Variants in NRXN3 observed in about 807,000 individuals in gnomAD.
The protein encoded by NRXN3 is neurexin III.
Under a neutral mutation model 137.6 loss-of-function variants are expected in NRXN3, and 32 were observed. That is an observed-to-expected ratio of 0.23 (90% CI 0.18 to 0.31). The LOEUF is 0.31. NRXN3 is among the 10% of genes least tolerant of loss of function. The pLI is 1.00. For missense variants in NRXN3, 1,574 were observed against 2,062.5 expected (o/e 0.76, Z 4.59); for synonymous variants, 798 against 784.5 (o/e 1.02, Z -0.29).
At chr14:78,233,953 T>C (rs949347937) in intron 1 of NRXN3, among the ~76,000 whole-genome samples, 5 of 152,178 alleles carry the variant, frequency 3.3e-5, no homozygotes, top group Admixed American at 3.3e-4. Context: ...GCTCCCATAA[T>C]TCCCACATGT....
At chr14:78,369,407 C>G (rs989396535) in intron 4 of NRXN3, among the ~76,000 whole-genome samples, 2 of 152,128 alleles carry the variant, frequency 1.3e-5, no homozygotes, top group East Asian at 3.8e-4. Context: ...TTCCCAAGTG[C>G]CTCGTGTCCA....
chr14:79,240,466 TC>T (rs2074098436), intron 15 of NRXN3, among the ~76,000 whole-genome samples: 1 of 152,240 alleles, frequency 6.6e-6, no homozygotes, highest in East Asian at 1.9e-4. Flanking sequence ...GTTATTCATC[TC>T]CCAGGTACTC....
At chr14:79,273,610 G>T (rs1287640910) in intron 15 of NRXN3, among the ~76,000 whole-genome samples, 1 of 152,026 alleles carries the variant, frequency 6.6e-6, no homozygotes, top group East Asian at 1.9e-4. Context: ...CTCCAGCCTG[G>T]GTGACAGAGT....
intron 1 of NRXN3, among the ~76,000 whole-genome samples, chr14:78,191,223 A>G (rs1440766554): frequency 6.6e-6 from 1 of 152,130 alleles, no homozygotes; most frequent in Non-Finnish European, 1.5e-5. Context: ...ACTAACTTAC[A>G]TGTTTCAGAA....
intron 15 of NRXN3, among the ~76,000 whole-genome samples, chr14:79,103,365 A>T (rs1169427230): frequency 1.3e-5 from 2 of 152,174 alleles, no homozygotes; most frequent in Non-Finnish European, 2.9e-5. Flanking sequence ...TAGTGCAATG[A>T]CTGTAAGGTT....
At chr14:79,574,379 C>T (rs2097645771) in intron 16 of NRXN3, among the ~76,000 whole-genome samples, 1 of 151,966 alleles carries the variant, frequency 6.6e-6, no homozygotes, top group Admixed American at 6.6e-5. Context: ...TATTTAGCAT[C>T]CTGAGCTGCA....
At chr14:79,131,847 C>A (rs535557247) in intron 15 of NRXN3, among the ~76,000 whole-genome samples, 86 of 152,360 alleles carry the variant, frequency 5.6e-4, no homozygotes, top group African/African-American at 1.8e-3. Flanking sequence ...GGGCGTAGGA[C>A]CCTCTGAGCC....
chr14:79,149,493 A>C (rs2059607021), intron 15 of NRXN3, among the ~76,000 whole-genome samples: 1 of 152,150 alleles, frequency 6.6e-6, no homozygotes, highest in Admixed American at 6.5e-5. Context: ...CAAGTGCTCT[A>C]TGACATTACT....
chr14:79,707,708 T>A (rs1030670302), intron 19 of NRXN3, among the ~76,000 whole-genome samples: 1 of 152,186 alleles, frequency 6.6e-6, no homozygotes, highest in African/African-American at 2.4e-5. Context: ...ATATGGCAAT[T>A]AGCTTCCTTG....
intron 16 of NRXN3, among the ~76,000 whole-genome samples, chr14:79,628,818 C>T (rs1480367737): frequency 6.6e-6 from 1 of 152,126 alleles, no homozygotes; most frequent in Non-Finnish European, 1.5e-5. Context: ...AACTGTACGA[C>T]GTGAAAGTAG....
chr14:78,949,871 T>C (rs1229891389), intron 10 of NRXN3, among the ~76,000 whole-genome samples: 1 of 152,156 alleles, frequency 6.6e-6, no homozygotes, highest in African/African-American at 2.4e-5. Context: ...TTCTGCATGC[T>C]AGGGCAAAAA....
intron 2 of NRXN3, among the ~76,000 whole-genome samples, chr14:78,265,380 A>G (rs1257021877): frequency 6.6e-6 from 1 of 152,184 alleles, no homozygotes; most frequent in Non-Finnish European, 1.5e-5. Flanking sequence ...GAGAGGGGAG[A>G]GGACACTGAT....
intron 15 of NRXN3, among the ~76,000 whole-genome samples, chr14:79,366,755 A>C (rs2093909385): frequency 1.3e-5 from 2 of 152,194 alleles, no homozygotes; most frequent in African/African-American, 4.8e-5. Context: ...GTTCAGAAAG[A>C]AAGCATGTGT....
At position 78,554,336 on chromosome 14, in the gene NRXN3, C is replaced by T. The variant is rs376568556; in HGVS notation, c.758-90784C>T. On this transcript the variant is annotated intron_variant, in intron 4 of 20. Coordinates refer to ENST00000335750, the MANE Select transcript of NRXN3 (RefSeq NM_001330195.2). Reference sequence around the variant, plus strand: ...TGTGGGTGAGCTCAAGTAGAAGCCTCGGGCTGGGCTCCTCTCCTGGGGTGG... The same window carrying T: ...TGTGGGTGAGCTCAAGTAGAAGCCTTGGGCTGGGCTCCTCTCCTGGGGTGG... 9.2e-5 allele frequency among the ~76,000 whole-genome samples: 14 copies of T among 152,206 alleles called. No individual in the cohort carries two copies. In the South Asian group the frequency reaches 1.5e-3, roughly 16 times the overall value.
chr14:79,316,043 G>A (rs902542641), intron 15 of NRXN3, among the ~76,000 whole-genome samples: 5 of 152,092 alleles, frequency 3.3e-5, no homozygotes, highest in African/African-American at 1.2e-4. Context: ...GGTGTAAATC[G>A]CTAGCCTTAC....
chr14:79,057,539 G>T (rs1241927914), intron 15 of NRXN3, among the ~76,000 whole-genome samples: 1 of 152,190 alleles, frequency 6.6e-6, no homozygotes, highest in African/African-American at 2.4e-5. Context: ...CAGCATGAGG[G>T]ATGAGTAAGG....
intron 6 of NRXN3, among the ~76,000 whole-genome samples, chr14:78,672,378 C>T (rs2097945650): frequency 6.6e-6 from 1 of 152,170 alleles, no homozygotes; most frequent in African/African-American, 2.4e-5. Flanking sequence ...CTTTGTATCT[C>T]CAGGGCCAGG....
At chr14:78,533,355 C>T (rs907268488) in intron 4 of NRXN3, among the ~76,000 whole-genome samples, 1 of 152,012 alleles carries the variant, frequency 6.6e-6, no homozygotes, top group Admixed American at 6.6e-5. Context: ...CAACCTCCAG[C>T]TCTCTTCTAG....
intron 4 of NRXN3, among the ~76,000 whole-genome samples, chr14:78,555,480 A>G (rs555408757): frequency 2.6e-5 from 4 of 152,314 alleles, no homozygotes; most frequent in Admixed American, 6.5e-5. Flanking sequence ...AGCATGTTTC[A>G]TCCTATCTCT....
Sources: gnomAD v4.1 joint callset for allele counts (sites outside exome capture counted in the v4.1 genomes callset) on GRCh38, gnomAD v4.1.1 for gene constraint, MANE v1.5 for transcripts, NCBI Gene and HGNC (gene_info 2026-07-23, HGNC 2026-07-21) for gene names.